SLC35D4: variants seen among roughly 807,000 people sequenced by gnomAD.
SLC35D4 encodes the protein solute carrier family 35 member D4, also known as UDP-N-acetylglucosamine transporter SLC35D4.
At chr18:23,293,276 T>C in the SLC35D4 span, among the ~76,000 whole-genome samples, 1 of 152,076 alleles carries the variant, frequency 6.6e-6, no homozygotes, top group South Asian at 2.1e-4. Context: ...TGAATATAAA[T>C]CAGCCATGAC....
At chr18:23,324,087 GAAAA>G in the SLC35D4 span, among the ~76,000 whole-genome samples, 1 of 111,442 alleles carries the variant, frequency 9.0e-6, no homozygotes, top group Non-Finnish European at 2.0e-5. Flanking sequence ...TGTCTCAAAA[GAAAA>G]AAAAAAAAAG....
chr18:23,311,141 G>A, the SLC35D4 span, among the ~76,000 whole-genome samples: 9 of 146,038 alleles, frequency 6.2e-5, no homozygotes, highest in Admixed American at 2.8e-4. Context: ...TCGCTTTGTC[G>A]CCCAGGCTGG....
At chr18:23,408,915 A>G in the SLC35D4 span, among the ~76,000 whole-genome samples, 1 of 150,376 alleles carries the variant, frequency 6.6e-6, no homozygotes, top group East Asian at 2.0e-4. Flanking sequence ...CTGGTGGATC[A>G]CCTGAGGTCA....
At chr18:23,286,608 G>A in the SLC35D4 span, among the ~76,000 whole-genome samples, 2 of 151,950 alleles carry the variant, frequency 1.3e-5, no homozygotes, top group South Asian at 4.2e-4. Flanking sequence ...TGGAGGGTAA[G>A]TCCGTCCCCT....
At chr18:23,276,796 C>T in the SLC35D4 span, among the ~76,000 whole-genome samples, 2 of 152,190 alleles carry the variant, frequency 1.3e-5, no homozygotes, top group Non-Finnish European at 2.9e-5. Context: ...ATCCCATTCC[C>T]CTGCCTCCCC....
At chr18:23,298,279 G>A in the SLC35D4 span, among the ~76,000 whole-genome samples, 3 of 152,224 alleles carry the variant, frequency 2.0e-5, no homozygotes, top group Non-Finnish European at 4.4e-5. Flanking sequence ...AAGGCAGGGA[G>A]GCGGGCTCGA....
the SLC35D4 span, among the ~76,000 whole-genome samples, chr18:23,367,335 G>C: frequency 4.6e-5 from 7 of 152,132 alleles, no homozygotes; most frequent in African/African-American, 1.7e-4. Context: ...TACTTAGATA[G>C]CAAGTTTTAT....
chr18:23,375,231 A>G, the SLC35D4 span, among the ~76,000 whole-genome samples: 2 of 152,040 alleles, frequency 1.3e-5, no homozygotes, highest in Non-Finnish European at 2.9e-5. Flanking sequence ...GTATCATATC[A>G]GATGTTATTT....
chr18:23,358,647 T>C, the SLC35D4 span, among the ~76,000 whole-genome samples: 1 of 152,140 alleles, frequency 6.6e-6, no homozygotes, highest in Non-Finnish European at 1.5e-5. Flanking sequence ...TAGCGAGTCC[T>C]TGAGAGTGGG....
chr18:23,414,404 G>A, the SLC35D4 span, among the ~76,000 whole-genome samples: 18 of 151,822 alleles, frequency 1.2e-4, no homozygotes, highest in Non-Finnish European at 2.2e-4. Flanking sequence ...AGGGCACGGT[G>A]GCTCATGCCT....
chr18:23,264,519 C>T, the SLC35D4 span, among the ~76,000 whole-genome samples: 28 of 152,162 alleles, frequency 1.8e-4, no homozygotes, highest in African/African-American at 6.5e-4. Context: ...CGCGCCACTA[C>T]GCCCGGCTAA....
chr18:23,260,971 G>A, the SLC35D4 span, among the ~76,000 whole-genome samples: 1 of 152,184 alleles, frequency 6.6e-6, no homozygotes, highest in Non-Finnish European at 1.5e-5. Flanking sequence ...CCCAGCGGAA[G>A]GGACCCAGGC....
the SLC35D4 span, among the ~76,000 whole-genome samples, chr18:23,241,680 A>G: frequency 6.6e-6 from 1 of 152,128 alleles, no homozygotes; most frequent in Admixed American, 6.5e-5. Context: ...TCTTGGGGTA[A>G]ATACCTAGGA....
the SLC35D4 span, among the ~76,000 whole-genome samples, chr18:23,415,169 G>C: frequency 4.6e-5 from 7 of 152,074 alleles, no homozygotes; most frequent in African/African-American, 2.4e-5. Flanking sequence ...CTAAATGATT[G>C]GTTAACTGTT....
At chr18:23,432,909 G>A in the SLC35D4 span, among the ~76,000 whole-genome samples, 1 of 150,336 alleles carries the variant, frequency 6.7e-6, no homozygotes, top group South Asian at 2.1e-4. Flanking sequence ...AAGCATGGGA[G>A]GCAGAGGTTG....
At chr18:23,261,405 G>T in the SLC35D4 span, among the ~76,000 whole-genome samples, 6 of 152,232 alleles carry the variant, frequency 3.9e-5, no homozygotes, top group African/African-American at 1.4e-4. Flanking sequence ...GGAGGCCGAG[G>T]TGGGTGGATT....
the SLC35D4 span, among the ~76,000 whole-genome samples, chr18:23,303,343 T>C: frequency 6.6e-6 from 1 of 152,222 alleles, no homozygotes; most frequent in African/African-American, 2.4e-5. Context: ...CACATTCTGT[T>C]TCCTTAATTT....
chr18:23,288,381 C>T, the SLC35D4 span, among the ~76,000 whole-genome samples: 13 of 152,242 alleles, frequency 8.5e-5, no homozygotes, highest in Non-Finnish European at 1.6e-4. Flanking sequence ...AATAACTTCT[C>T]AGTGTTCCAT....
chr18:23,308,328 G>A, the SLC35D4 span, among the ~76,000 whole-genome samples: 4 of 152,072 alleles, frequency 2.6e-5, no homozygotes, highest in African/African-American at 4.8e-5. Flanking sequence ...TTTGGCGAAC[G>A]ATCTATTCCT....
Sources: allele counts gnomAD v4.1 joint callset (sites outside exome capture counted in the v4.1 genomes callset), GRCh38; gene constraint gnomAD v4.1.1; transcripts MANE v1.5; gene names NCBI Gene and HGNC (gene_info 2026-07-23, HGNC 2026-07-21).